Variants in MYT1L observed in about 807,000 individuals in gnomAD.
The protein encoded by MYT1L is myelin transcription factor 1 like.
Under a neutral mutation model 126.7 loss-of-function variants are expected in MYT1L, and 12 were observed. That is an observed-to-expected ratio of 0.09 (90% CI 0.06 to 0.15). The LOEUF is 0.15. Ranked by LOEUF, MYT1L falls within the 10% of genes least tolerant of loss-of-function variation. MYT1L has a pLI of 1.00. For synonymous variants in MYT1L, 541 were observed against 604.2 expected (o/e 0.90, Z 1.53); for missense variants, 979 against 1,585.2 (o/e 0.62, Z 6.49).
At chr2:2,257,832 G>C (rs1241219673) in intron 2 of MYT1L, among the ~76,000 whole-genome samples, 1 of 149,700 alleles carries the variant, frequency 6.7e-6, no homozygotes, top group Non-Finnish European at 1.5e-5. Context: ...GTAATCTACA[G>C]ATTCAATGCC....
intron 3 of MYT1L, among the ~76,000 whole-genome samples, chr2:2,131,198 C>G (rs780932088): frequency 1.8e-4 from 27 of 152,160 alleles, no homozygotes; most frequent in Non-Finnish European, 1.9e-4. Context: ...CAGAGCTCAC[C>G]TCGTGCAGCT....
intron 18 of MYT1L, among the ~76,000 whole-genome samples, chr2:1,861,920 T>TCCTACAGCCTGTGTAATCCTAGATCTG: frequency 7.7e-5 from 2 of 25,956 alleles, no homozygotes; most frequent in African/African-American, 1.2e-4. Context: ...TCCTGGATCC[T>TCCTACAGCCTGTGTAATCCTAGATCTG]CCTGCAGCCT....
chr2:2,201,041 C>T (rs1190730005), intron 2 of MYT1L, among the ~76,000 whole-genome samples: 2 of 152,174 alleles, frequency 1.3e-5, no homozygotes, highest in East Asian at 3.9e-4. Flanking sequence ...CCCTAACTCA[C>T]TGTGAGAGAA....
intron 2 of MYT1L, among the ~76,000 whole-genome samples, chr2:2,252,916 T>C (rs1490283013): frequency 6.6e-6 from 1 of 152,148 alleles, no homozygotes; most frequent in African/African-American, 2.4e-5. Flanking sequence ...GACACCTTTT[T>C]AGGGCATGTA....
At chr2:2,025,557 C>T (rs547106056) in intron 4 of MYT1L, among the ~76,000 whole-genome samples, 1 of 152,286 alleles carries the variant, frequency 6.6e-6, no homozygotes, top group Non-Finnish European at 1.5e-5. Flanking sequence ...TGATATTCCC[C>T]CTCCACTGGA....
intron 1 of MYT1L, among the ~76,000 whole-genome samples, chr2:2,297,779 G>A (rs961716399): frequency 5.9e-5 from 9 of 152,090 alleles, no homozygotes; most frequent in African/African-American, 2.2e-4. Context: ...GGAAAATAAA[G>A]GGAATGTCTT....
chr2:2,210,266 C>T (rs370528342), intron 2 of MYT1L, among the ~76,000 whole-genome samples: 20 of 152,184 alleles, frequency 1.3e-4, no homozygotes, highest in African/African-American at 4.1e-4. Context: ...TCCCATTTGT[C>T]GATTTCTGCT....
At chr2:2,007,923 G>A (rs1266104108) in intron 4 of MYT1L, among the ~76,000 whole-genome samples, 1 of 152,194 alleles carries the variant, frequency 6.6e-6, no homozygotes, top group Non-Finnish European at 1.5e-5. Context: ...CACCTGGTGA[G>A]GGGGAGGAGA....
intron 2 of MYT1L, among the ~76,000 whole-genome samples, chr2:2,173,706 G>A (rs546569660): frequency 6.6e-6 from 1 of 152,282 alleles, no homozygotes; most frequent in South Asian, 2.1e-4. Context: ...CTCAGTTAGG[G>A]AAGCCATTGT....
chr2:1,832,967 G>T (rs2148302939), intron 21 of MYT1L, among the ~76,000 whole-genome samples: 1 of 152,308 alleles, frequency 6.6e-6, no homozygotes, highest in Non-Finnish European at 1.5e-5. Context: ...AACCAGACCT[G>T]GACGGAGATC....
intron 2 of MYT1L, among the ~76,000 whole-genome samples, chr2:2,197,726 ATAAC>A (rs1355866158): frequency 2.7e-5 from 4 of 150,634 alleles, no homozygotes; most frequent in Non-Finnish European, 5.9e-5. Context: ...AGAGATGTAT[ATAAC>A]ACACACATAT....
intron 13 of MYT1L, among the ~76,000 whole-genome samples, chr2:1,906,575 T>TTA (rs2051089044): frequency 6.6e-6 from 1 of 152,254 alleles, no homozygotes; most frequent in East Asian, 1.9e-4. Flanking sequence ...ATATATCCAA[T>TTA]TATATATATG....
chr2:2,320,464 T>C (rs1428687829), intron 1 of MYT1L, among the ~76,000 whole-genome samples: 4 of 146,302 alleles, frequency 2.7e-5, no homozygotes, highest in Non-Finnish European at 4.5e-5. Flanking sequence ...CTGTGAAATA[T>C]ACTCTAAGTC....
intron 4 of MYT1L, among the ~76,000 whole-genome samples, chr2:2,015,807 C>T (rs562441481): frequency 1.3e-5 from 2 of 152,300 alleles, no homozygotes; most frequent in East Asian, 3.9e-4. Flanking sequence ...TTTCCTTCAA[C>T]AATCCTGTGA....
At chr2:2,227,458 A>G (rs1324585827) in intron 2 of MYT1L, among the ~76,000 whole-genome samples, 1 of 152,128 alleles carries the variant, frequency 6.6e-6, no homozygotes, top group African/African-American at 2.4e-5. Context: ...AAGGTGTTTG[A>G]CTGTGAGGAG....
At chr2:2,058,642 CTAAT>C (rs1047900738) in intron 3 of MYT1L, among the ~76,000 whole-genome samples, 3 of 152,194 alleles carry the variant, frequency 2.0e-5, no homozygotes, top group Non-Finnish European at 4.4e-5. Flanking sequence ...TGAATAAACA[CTAAT>C]TTATTAGGTA....
intron 1 of MYT1L, among the ~76,000 whole-genome samples, chr2:2,295,385 G>A (rs1269950632): frequency 6.6e-6 from 1 of 152,154 alleles, no homozygotes; most frequent in Non-Finnish European, 1.5e-5. Flanking sequence ...TCTATGCTGT[G>A]AGGCCATAGA....
intron 1 of MYT1L, among the ~76,000 whole-genome samples, chr2:2,304,312 A>G (rs2095829414): frequency 6.6e-6 from 1 of 152,194 alleles, no homozygotes; most frequent in Non-Finnish European, 1.5e-5. Flanking sequence ...TTATGTAACT[A>G]TGGTAGGTAA....
In MYT1L at chr2:1,801,501, C is replaced by G. The variant is rs556562747; in HGVS notation, c.3276+195G>C. 28 of 496,774 alleles carry G rather than the reference C, an allele frequency of 5.6e-5. No homozygotes were observed. The highest frequency in any genetic ancestry group is 1.8e-5 in the Non-Finnish European group (5 of 283,070). 30.8% of individuals were successfully genotyped at this position (496,774 alleles called of 1,614,324 possible). A position where few individuals can be genotyped will look rare whatever the true frequency, so the allele number is the denominator to read the frequency against. On this transcript the variant is annotated intron_variant, in intron 23 of 24. Coordinates refer to ENST00000647738, the MANE Select transcript of MYT1L (RefSeq NM_001303052.2). This position sits in a 1 kb window ranked among gnomAD's most constrained non-coding sequence, Gnocchi z 4.2. Reference sequence around the variant, plus strand: ...ACATGCAGACTGAAAACGAGAGAACCACGGCCCCTGCTACAGCGAACACTG... The same window carrying G: ...ACATGCAGACTGAAAACGAGAGAACGACGGCCCCTGCTACAGCGAACACTG...
Sources: gnomAD v4.1 joint callset for allele counts (sites outside exome capture counted in the v4.1 genomes callset) on GRCh38, gnomAD v4.1.1 for gene constraint, Gnocchi (gnomAD v3.1) non-coding constraint, MANE v1.5 for transcripts, NCBI Gene and HGNC (gene_info 2026-07-23, HGNC 2026-07-21) for gene names.